The following OPN5 variants were observed in gnomAD, a reference collection of about 807,000 sequenced individuals.
OPN5 encodes opsin-5.
OPN5 carries 18 observed loss-of-function variants against 41.7 expected under a neutral mutation model. The ratio of observed to expected loss-of-function variants is 0.43; its 90% CI spans 0.30 to 0.64. The LOEUF (loss-of-function observed/expected upper bound fraction) is 0.64. Ranked by LOEUF, OPN5 falls within the 30% of genes least tolerant of loss-of-function variation. OPN5 has a pLI of 0.13. For missense variants in OPN5, 318 were observed against 434.5 expected, an observed-to-expected ratio of 0.73 and a Z score of 2.38; for synonymous variants, 178 against 164.3, an observed-to-expected ratio of 1.08 and a Z score of -0.64.
intron 5 of OPN5, among the ~76,000 whole-genome samples, chr6:47,811,047 A>G (rs1056003450): frequency 6.6e-6 from 1 of 152,230 alleles, no homozygotes; most frequent in Non-Finnish European, 1.5e-5. Context: ...AGACAATGGC[A>G]GTACAGCTCA....
Position 47,795,582 on chromosome 6 carries a change from T to G in OPN5, c.756+19T>G. ...GACAAAGGTAAGTGCACTAATATTT[T>G]ACACATGTGTTTTCTGACTACTTAC... On this transcript the variant is annotated intron_variant, in intron 4 of 6. Coordinates refer to ENST00000371211, the Ensembl canonical transcript of OPN5. 1 of 1,561,920 alleles carries G rather than the reference T, an allele frequency of 6.4e-7. No homozygotes were observed. Among genetic ancestry groups the G allele is most frequent in the Non-Finnish European group, 8.8e-7 (1 of 1,133,850 alleles).
chr6:47,788,805 T>TTG (rs1554139113), intron 2 of OPN5, among the ~76,000 whole-genome samples: 5 of 125,162 alleles, frequency 4.0e-5, no homozygotes, highest in African/African-American at 6.1e-5. Context: ...TAGGATAACC[T>TTG]GGGGGGGGGC....
intron 2 of OPN5, among the ~76,000 whole-genome samples, chr6:47,788,452 G>T (rs1773261490): frequency 6.6e-6 from 1 of 152,200 alleles, no homozygotes; most frequent in African/African-American, 2.4e-5. Flanking sequence ...AGCCAAGCAA[G>T]TCGGCTCTAG....
chr6:47,787,875 T>C (rs1773240317), intron 2 of OPN5, among the ~76,000 whole-genome samples: 1 of 152,148 alleles, frequency 6.6e-6, no homozygotes, highest in Non-Finnish European at 1.5e-5. Context: ...CCAGCCTGGG[T>C]GAAAAAGTGA....
At chr6:47,798,685 G>C (rs115073783) in intron 4 of OPN5, among the ~76,000 whole-genome samples, 1 of 151,890 alleles carries the variant, frequency 6.6e-6, no homozygotes, top group South Asian at 2.1e-4. Flanking sequence ...TGCAGAAAAT[G>C]TAAGACAAAA....
At chr6:47,799,816 G>A (rs1403583323) in intron 4 of OPN5, among the ~76,000 whole-genome samples, 1 of 152,148 alleles carries the variant, frequency 6.6e-6, no homozygotes, top group Admixed American at 6.5e-5. Context: ...TGCCTTCAGG[G>A]TGTAGGTCCT....
chr6:47,793,418 T>C (rs1773447201), intron 3 of OPN5, among the ~76,000 whole-genome samples: 1 of 152,186 alleles, frequency 6.6e-6, no homozygotes, highest in South Asian at 2.1e-4. Context: ...TGATGCACTA[T>C]TAAACCCTCC....
At chr6:47,808,767 TTG>T (rs56750771) in intron 5 of OPN5, among the ~76,000 whole-genome samples, 19,695 of 152,106 alleles carry the variant, frequency 0.13, 1,279 homozygotes, top group South Asian at 0.15. Flanking sequence ...AATGGTTCTC[TTG>T]TCTGGCACAT....
At chr6:47,802,678 G>A (rs1773820426) in intron 4 of OPN5, among the ~76,000 whole-genome samples, 1 of 152,136 alleles carries the variant, frequency 6.6e-6, no homozygotes, top group Non-Finnish European at 1.5e-5. Flanking sequence ...CACTTCAAGG[G>A]CTTTGGGCCA....
exon 7 of OPN5, chr6:47,824,394 T>A (rs1762731115): frequency 4.2e-6 from 1 of 238,016 alleles, no homozygotes; most frequent in African/African-American, 2.2e-5. Context: ...TGTAATTTGA[T>A]TTGTTCTATT....
At chr6:47,820,520 C>G (rs1359693214) in intron 6 of OPN5, among the ~76,000 whole-genome samples, 1 of 152,180 alleles carries the variant, frequency 6.6e-6, no homozygotes, top group Non-Finnish European at 1.5e-5. Flanking sequence ...TTGATTTACA[C>G]TTGAGATGAG....
At chr6:47,822,809 A>G (rs1762671256) in intron 6 of OPN5, among the ~76,000 whole-genome samples, 1 of 152,136 alleles carries the variant, frequency 6.6e-6, no homozygotes, top group Admixed American at 6.5e-5. Flanking sequence ...AAAAAATGTT[A>G]GTTTGGTTGA....
chr6:47,808,067 A>G, intron 4 of OPN5, 87 bp from the exon 5 acceptor site: 1 of 1,285,624 alleles, frequency 7.8e-7, no homozygotes, highest in East Asian at 2.3e-5. Flanking sequence ...GTGAGAGGTG[A>G]CCTGATCCTT....
chr6:47,824,196 G>C (rs1354972748), exon 7 of OPN5: 1 of 586,874 alleles, frequency 1.7e-6, no homozygotes, highest in Non-Finnish European at 3.0e-6. Flanking sequence ...TCTCATTCTG[G>C]TATAGTGGCA....
chr6:47,797,751 A>G (rs1403218568), intron 4 of OPN5, among the ~76,000 whole-genome samples: 3 of 152,160 alleles, frequency 2.0e-5, no homozygotes, highest in Non-Finnish European at 4.4e-5. Flanking sequence ...TGGCCTTGAC[A>G]CTTTGTTGGC....
intron 4 of OPN5, among the ~76,000 whole-genome samples, chr6:47,796,767 A>G (rs1392027994): frequency 6.6e-6 from 1 of 152,156 alleles, no homozygotes; most frequent in Non-Finnish European, 1.5e-5. Flanking sequence ...CTCTCTCCAA[A>G]TTGCAGAATT....
intron 6 of OPN5, among the ~76,000 whole-genome samples, chr6:47,823,190 A>G (rs930708422): frequency 6.6e-6 from 1 of 152,206 alleles, no homozygotes; most frequent in Admixed American, 6.5e-5. Flanking sequence ...CTTATACTTA[A>G]ACAGAAAAGG....
chr6:47,804,123 C>T (rs954741805), intron 4 of OPN5, among the ~76,000 whole-genome samples: 1 of 152,170 alleles, frequency 6.6e-6, no homozygotes, highest in Non-Finnish European at 1.5e-5. Flanking sequence ...GCACTGGAAA[C>T]TGGCTATATC....
rs1041911502 is a variant in OPN5, at chr6:47,787,675, G to A, written c.250+1041G>A. ...CCAAAGCTTTGGGAGGCTGAGATGG[G>A]TATAAAGTTTGAGGCCAGGAGTTCA... On this transcript the variant is annotated intron_variant, in intron 2 of 6. Transcript: ENST00000371211. 5.3e-5 allele frequency among the ~76,000 whole-genome samples: 8 copies of A among 152,282 alleles called. No individual in the cohort carries two copies. The East Asian group carries it at 1.2e-3, about 22-fold the overall frequency.
Sources: allele counts gnomAD v4.1 joint callset (sites outside exome capture counted in the v4.1 genomes callset), GRCh38; gene constraint gnomAD v4.1.1; transcripts MANE v1.5; gene names NCBI Gene and HGNC (gene_info 2026-07-23, HGNC 2026-07-21).